Variants in TSACC observed in about 807,000 individuals in gnomAD.
TSACC encodes the protein TSSK6-activating co-chaperone protein.
TSACC carries 3 observed loss-of-function variants against 6.9 expected under a neutral mutation model. The observed-to-expected ratio is 0.43, with a 90% CI of 0.20 to 1.12. TSACC has a LOEUF of 1.12. Among genes scored for constraint, TSACC ranks in the 50% most tolerant of loss-of-function variants. The probability of loss-of-function intolerance (pLI) is 0.28; values close to 1 mark genes in which losing one functional copy is unlikely to be tolerated. For synonymous variants in TSACC, 54 were observed against 55.1 expected, an observed-to-expected ratio of 0.98 and a Z score of 0.09; for missense variants, 137 against 143.9, an observed-to-expected ratio of 0.95 and a Z score of 0.24.
chr1:156,344,708 G>A lies in TSACC; in HGVS notation c.163G>A (p.Val55Ile). ...CATCCAGACAACAAAGCTGCCCTCG[G>A]GTAAGGATGTAGGGAGGGTTTTCTA... ...LNIQTTKLPS[V>I]DHKPKECLGL... The change falls in exon 3 of 4, where the codon GTT becomes ATT. Residue 55 changes from valine (V) to isoleucine (I), a missense_variant and splice_region_variant. Transcript: ENST00000368254. 6.2e-7 allele frequency: 1 copy of A among 1,613,772 alleles called. No homozygotes were observed. Among genetic ancestry groups the A allele is most frequent in the Non-Finnish European group, 8.5e-7 (1 of 1,179,902 alleles).
chr1:156,342,580 T>C (rs575018484), intron 2 of TSACC, among the ~76,000 whole-genome samples: 1 of 152,364 alleles, frequency 6.6e-6, no homozygotes, highest in East Asian at 1.9e-4. Flanking sequence ...CCAGGCTTGT[T>C]TTTTATGAAG....
At chr1:156,345,878 A>AG (rs1415546637) in intron 3 of TSACC, among the ~76,000 whole-genome samples, 2 of 150,902 alleles carry the variant, frequency 1.3e-5, no homozygotes, top group East Asian at 3.9e-4. Flanking sequence ...AAAAAAAAAA[A>AG]GAAAAAAGAA....
At position 156,338,534 on chromosome 1, in the gene TSACC, A is replaced by G. The variant is rs1346470073; in HGVS notation, c.-196A>G. 4 of 471,004 alleles carry G rather than the reference A, an allele frequency of 8.5e-6. No individual in the cohort carries two copies. The highest frequency in any genetic ancestry group is 7.8e-5 in the African/African-American group (4 of 51,270). 29.2% of individuals were successfully genotyped at this position (471,004 alleles called of 1,614,324 possible). On this transcript the variant is annotated 5_prime_UTR_variant, in exon 1 of 4. Coordinates refer to ENST00000368254, the MANE Select transcript of TSACC (RefSeq NM_001304817.2). The stretch of plus-strand genomic sequence containing the variant: ...GGCGCCAAGGCTCTGGCAGTTGGCC[A>G]GCACACCACTACGCATGTGTGTCAA...
chr1:156,339,695 C>A lies in TSACC; in HGVS notation c.-63C>A. 6.2e-7 allele frequency: 1 copy of A among 1,601,656 alleles called. No homozygotes were observed. On this transcript the variant is annotated 5_prime_UTR_variant, in exon 2 of 4. Coordinates refer to ENST00000368254, the MANE Select transcript of TSACC (RefSeq NM_001304817.2). ...GAAATTATCATAGTGAAAATACTAA[C>A]ATGGATTGTTGATCATCTGATGCTA...
At chr1:156,340,703 C>T (rs551210243) in intron 2 of TSACC, among the ~76,000 whole-genome samples, 10 of 152,224 alleles carry the variant, frequency 6.6e-5, no homozygotes, top group Admixed American at 2.6e-4. Context: ...TCAGGTGATC[C>T]GCCTGCCTCG....
chr1:156,338,030 A>G, upstream of TSACC: 1 of 1,081,328 alleles, frequency 9.2e-7, no homozygotes, highest in Non-Finnish European at 1.4e-6. Context: ...GGCTTCCAAA[A>G]TGAAGACGAT....
intron 2 of TSACC, among the ~76,000 whole-genome samples, chr1:156,341,985 C>A (rs1271430180): frequency 4.6e-5 from 7 of 150,590 alleles, no homozygotes; most frequent in Non-Finnish European, 8.8e-5. Flanking sequence ...TGGCATGAAC[C>A]TGGGAGGCGG....
In TSACC at chr1:156,344,821, A is replaced by G; in HGVS notation, c.163+113A>G. On this transcript the variant is annotated intron_variant, in intron 3 of 3. Coordinates refer to ENST00000368254, the MANE Select transcript of TSACC (RefSeq NM_001304817.2). ...AGAGCCAAATCTATGTTAGGCATCTATAGATCTTTCCGTGATAGCTTGTTG... is the reference window on the plus strand; with the variant it reads ...AGAGCCAAATCTATGTTAGGCATCTGTAGATCTTTCCGTGATAGCTTGTTG... 3 of 1,321,838 alleles carry G rather than the reference A, an allele frequency of 2.3e-6. 1 individual carries two copies. Among genetic ancestry groups the G allele is most frequent in the Non-Finnish European group, 1.0e-6 (1 of 966,926 alleles). The allele number at this position is 1,321,838 out of a possible 1,614,324, so 81.9% of individuals were successfully genotyped here.
intron 2 of TSACC, among the ~76,000 whole-genome samples, chr1:156,342,674 C>CT (rs1411820853): frequency 6.6e-6 from 1 of 152,210 alleles, no homozygotes; most frequent in Non-Finnish European, 1.5e-5. Context: ...AGGTCAGTTG[C>CT]TTTCATAGCA....
intron 1 of TSACC, 93 bp from the exon 2 acceptor site, chr1:156,339,541 C>A: frequency 8.2e-6 from 4 of 486,890 alleles, no homozygotes; most frequent in South Asian, 3.1e-5. Context: ...AAACTGTTTT[C>A]CAAACTAGTG....
At chr1:156,346,698 C>A in intron 3 of TSACC, 70 bp from the exon 4 acceptor site, 1 of 1,489,258 alleles carries the variant, frequency 6.7e-7, no homozygotes, top group South Asian at 1.2e-5. Context: ...TAGGGTCCTT[C>A]CAACCTCAGT....
chr1:156,342,343 GA>G (rs554503767), intron 2 of TSACC, among the ~76,000 whole-genome samples: 1 of 152,018 alleles, frequency 6.6e-6, no homozygotes, highest in South Asian at 2.1e-4. Flanking sequence ...CAGTGCAAAA[GA>G]AAAAAACCAA....
At chr1:156,338,806 G>C (rs1665613505) in intron 1 of TSACC, 1 of 154,240 alleles carries the variant, frequency 6.5e-6, no homozygotes, top group South Asian at 1.8e-4. Flanking sequence ...GGGCCGGACT[G>C]CGCAGCCTTT....
intron 3 of TSACC, among the ~76,000 whole-genome samples, chr1:156,346,142 T>C (rs549168892): frequency 2.0e-4 from 29 of 142,696 alleles, no homozygotes; most frequent in Non-Finnish European, 3.9e-4. Flanking sequence ...TGCAGTGAGC[T>C]GAGATCGTAC....
At chr1:156,344,449 T>C (rs1217059107) in intron 2 of TSACC, 131 bp from the exon 3 acceptor site, 3 of 1,316,266 alleles carry the variant, frequency 2.3e-6, no homozygotes, top group African/African-American at 3.0e-5. Flanking sequence ...TTTTGTCTTA[T>C]GTATCTTTCT....
In TSACC at chr1:156,339,771, C is replaced by G; in HGVS notation, c.14C>G (p.Thr5Ser). 1 of 1,614,172 alleles carries G rather than the reference C, an allele frequency of 6.2e-7. No homozygotes were observed. Among genetic ancestry groups the G allele is most frequent in the South Asian group, 1.1e-5 (1 of 91,066 alleles). MERHTSHPNRKVPAK... is the reference protein window; with the variant it reads MERHSSHPNRKVPAK... ...GTTGGTGTTCAGATGGAGCGGCACA[C>G]TAGTCATCCTAACAGAAAAGGTGTG... The change falls in exon 2 of 4, where the codon ACT (threonine) becomes AGT (serine). Residue 5 changes from threonine to serine, a missense_variant. Thr to Ser is a moderately conservative substitution (Grantham distance 58). Coordinates refer to ENST00000368254, the MANE Select transcript of TSACC (RefSeq NM_001304817.2).
upstream of TSACC, chr1:156,338,496 G>T (rs918264454): frequency 3.8e-6 from 2 of 520,688 alleles, no homozygotes; most frequent in East Asian, 3.2e-5. Flanking sequence ...CGTGCAGCGC[G>T]AACGTCGGCG....
upstream of TSACC, chr1:156,337,399 C>CT: frequency 5.8e-6 from 1 of 172,600 alleles, no homozygotes; most frequent in South Asian, 9.9e-5. Context: ...CAGAGCGAGA[C>CT]TTTGTCTCAA....
At chr1:156,344,268 C>T (rs1666045706) in intron 2 of TSACC, among the ~76,000 whole-genome samples, 1 of 152,102 alleles carries the variant, frequency 6.6e-6, no homozygotes, top group Non-Finnish European at 1.5e-5. Context: ...ATTTGTCTTC[C>T]TAACTAGATA....
Sources: allele counts gnomAD v4.1 joint callset (sites outside exome capture counted in the v4.1 genomes callset), GRCh38; gene constraint gnomAD v4.1.1; transcripts MANE v1.5; gene names NCBI Gene and HGNC (gene_info 2026-07-23, HGNC 2026-07-21).